TIMP2: variants seen among roughly 807,000 people sequenced by gnomAD.
TIMP2 encodes the protein metalloproteinase inhibitor 2.
Under a neutral mutation model 24.3 loss-of-function variants are expected in TIMP2, and 5 were observed. The ratio of observed to expected loss-of-function variants is 0.21; its 90% CI spans 0.11 to 0.43. The LOEUF is 0.43. TIMP2 is among the 20% of genes least tolerant of loss of function. The pLI is 1.00. For missense variants in TIMP2, 221 were observed against 297.5 expected (o/e 0.74, Z 1.89); for synonymous variants, 130 against 123.2 (o/e 1.06, Z -0.37).
At chr17:78,869,185 C>A (rs539399480) in intron 3 of TIMP2, among the ~76,000 whole-genome samples, 2 of 152,164 alleles carry the variant, frequency 1.3e-5, no homozygotes, top group Non-Finnish European at 2.9e-5. Context: ...CTTTGGGAGG[C>A]TGAGGCAGGA....
intron 1 of TIMP2, among the ~76,000 whole-genome samples, chr17:78,876,897 C>T (rs999950507): frequency 1.1e-5 from 1 of 93,844 alleles, no homozygotes; most frequent in Non-Finnish European, 2.2e-5. Context: ...CTTCATTCTT[C>T]AAGACCCAGC....
chr17:78,913,885 C>CT, intron 1 of TIMP2, among the ~76,000 whole-genome samples: 1 of 100,382 alleles, frequency 1.0e-5, no homozygotes, highest in Non-Finnish European at 1.9e-5. Flanking sequence ...GAGCGAAACT[C>CT]TGTCTCGGGG....
Position 78,891,022 on chromosome 17 carries a change from G to A in TIMP2, c.131-17103C>T, listed in dbSNP as rs763013831. 5 of 1,551,016 alleles carry A rather than the reference G, an allele frequency of 3.2e-6. No individual in the cohort carries two copies. In the East Asian group the frequency reaches 1.2e-4, roughly 38 times the overall value. On this transcript the variant is annotated intron_variant, in intron 1 of 4. Coordinates refer to ENST00000262768, the MANE Select transcript of TIMP2 (RefSeq NM_003255.5). The surrounding 1 kb of genome is among the most constrained non-coding windows in gnomAD (Gnocchi z 4.5). ...GCCTGGATGCCGTCGAGCCCACTCT[G>A]TCTGCCTGGTCTTGAAGGTGGAGCT...
At chr17:78,870,058 T>C (rs2145753082) in intron 3 of TIMP2, among the ~76,000 whole-genome samples, 1 of 152,162 alleles carries the variant, frequency 6.6e-6, no homozygotes. Context: ...TGGGAAGATG[T>C]GGAGACAGAT....
At chr17:78,882,569 GA>G (rs2069788905) in intron 1 of TIMP2, among the ~76,000 whole-genome samples, 1 of 152,240 alleles carries the variant, frequency 6.6e-6, no homozygotes, top group Non-Finnish European at 1.5e-5. Flanking sequence ...AGACAGCTTA[GA>G]AACATGGAAG....
In TIMP2 at chr17:78,857,265, G is replaced by T. The variant is rs112048604; in HGVS notation, c.465+257C>A. ...GGCCTCCCAAAGTGCCGGGATTACA[G>T]GCGTGAGCCGCAGCGCCCGGCCTCC... On this transcript the variant is annotated intron_variant, in intron 4 of 4. Coordinates refer to ENST00000262768, the MANE Select transcript of TIMP2 (RefSeq NM_003255.5). 2,190 of 471,062 alleles carry T rather than the reference G, an allele frequency of 4.6e-3. 37 individuals are homozygous for T. Among genetic ancestry groups the T allele is most frequent in the African/African-American group, 0.039 (1,993 of 51,242 alleles). The allele number at this position is 471,062 out of a possible 1,614,324, so 29.2% of individuals were successfully genotyped here.
chr17:78,875,143 G>C (rs1215405568), intron 1 of TIMP2, among the ~76,000 whole-genome samples: 2 of 152,200 alleles, frequency 1.3e-5, no homozygotes, highest in African/African-American at 4.8e-5. Flanking sequence ...CTCCCAAAGT[G>C]CTGAGATTAC....
intron 3 of TIMP2, among the ~76,000 whole-genome samples, chr17:78,861,294 A>G (rs2069565216): frequency 6.6e-6 from 1 of 152,168 alleles, no homozygotes; most frequent in Non-Finnish European, 1.5e-5. Context: ...TTTCCACTGT[A>G]TGTATCACTT....
chr17:78,908,211 G>A (rs568665767), intron 1 of TIMP2, among the ~76,000 whole-genome samples: 1 of 152,256 alleles, frequency 6.6e-6, no homozygotes, highest in African/African-American at 2.4e-5. Context: ...ATTTAACCAC[G>A]CCCCTGCTAC....
rs759759318 is a variant in TIMP2, at chr17:78,870,892, A to G, written c.340+6T>C. The stretch of plus-strand genomic sequence containing the variant: ...GCCTCCGGCTGATGGCCCCACTCAT[A>G]CACACCTGCAATGAGATATTCCTTC... On this transcript the variant is annotated splice_donor_region_variant and intron_variant, in intron 3 of 4. Coordinates refer to ENST00000262768, the MANE Select transcript of TIMP2 (RefSeq NM_003255.5). 2 of 1,611,906 alleles carry G rather than the reference A, an allele frequency of 1.2e-6. No individual in the cohort carries two copies. Among genetic ancestry groups the G allele is most frequent in the South Asian group, 2.2e-5 (2 of 90,824 alleles).
chr17:78,858,733 C>T (rs891117681), intron 3 of TIMP2, among the ~76,000 whole-genome samples: 1 of 152,150 alleles, frequency 6.6e-6, no homozygotes, highest in Admixed American at 6.5e-5. Flanking sequence ...CTATGTTACT[C>T]AGGCTGGTCT....
rs1175114554 is a variant in TIMP2, at chr17:78,890,877, T to TC, written c.131-16959dup. On this transcript the variant is annotated intron_variant, in intron 1 of 4. Coordinates refer to ENST00000262768, the MANE Select transcript of TIMP2 (RefSeq NM_003255.5). ...GCCAGTCGAGCTCTTCTTTGCTCCC[T>TC]CCTCTCTTTTTCTAGCTCAGCTTTG... 7 of 1,550,536 alleles carry TC rather than the reference T, an allele frequency of 4.5e-6. No homozygotes were observed. The African/African-American group carries it at 9.6e-5, about 21-fold the overall frequency.
chr17:78,912,651 C>T (rs1385843193), intron 1 of TIMP2, among the ~76,000 whole-genome samples: 1 of 152,218 alleles, frequency 6.6e-6, no homozygotes, highest in African/African-American at 2.4e-5. Flanking sequence ...CACCTGCTTG[C>T]TTCTGGAAAG....
chr17:78,919,569 T>C (rs984443683), intron 1 of TIMP2, among the ~76,000 whole-genome samples: 3 of 152,108 alleles, frequency 2.0e-5, no homozygotes, highest in Non-Finnish European at 2.9e-5. Context: ...GTGCGGTGGC[T>C]CAAGCCTGTA....
Position 78,892,153 on chromosome 17 carries a change from C to T in TIMP2, c.131-18234G>A, listed in dbSNP as rs2069909018. On this transcript the variant is annotated intron_variant, in intron 1 of 4. Transcript: ENST00000262768. ...CGTGCAGGTGCTGTGCCTCCTGATA[C>T]CCTCTCCTCAACTCCTCAGCCAAGC... is the stretch of plus-strand genomic sequence containing the variant. 8 of 1,550,828 alleles carry T rather than the reference C, an allele frequency of 5.2e-6. No homozygotes were observed. The South Asian group carries it at 9.5e-5, about 18-fold the overall frequency.
chr17:78,914,311 C>T (rs112300147), intron 1 of TIMP2, among the ~76,000 whole-genome samples: 19,735 of 148,178 alleles, frequency 0.13, 1,603 homozygotes, highest in African/African-American at 0.23. Flanking sequence ...TGGAGTCTCG[C>T]TCTGTCTCCC....
rs975299489 is a variant in TIMP2 at position 78,901,766 on chromosome 17, G to A, written c.130+23193C>T. On this transcript the variant is annotated intron_variant, in intron 1 of 4. Transcript: ENST00000262768. ...ACGAGAAGCACCTGAAATGCTTGGG[G>A]AAGAGGGGTGGTACTTACTGTGTGT... 17 of 717,190 alleles carry A rather than the reference G, an allele frequency of 2.4e-5. No individual in the cohort carries two copies. The Admixed American group carries it at 3.0e-4, about 13-fold the overall frequency. The allele number at this position is 717,190 out of a possible 1,614,324, so 44.4% of individuals were successfully genotyped here.
At chr17:78,892,496 C>T (rs376676045) in intron 1 of TIMP2, 5 of 1,519,280 alleles carry the variant, frequency 3.3e-6, no homozygotes, top group East Asian at 2.5e-5. Flanking sequence ...CTTTCCAGAT[C>T]GCTCCCAGGA....
At chr17:78,911,612 G>C (rs1732031416) in intron 1 of TIMP2, among the ~76,000 whole-genome samples, 1 of 151,786 alleles carries the variant, frequency 6.6e-6, no homozygotes, top group African/African-American at 2.4e-5. Flanking sequence ...AATATTTTTA[G>C]TAGAGATGGG....
Sources: allele counts gnomAD v4.1 joint callset (sites outside exome capture counted in the v4.1 genomes callset), GRCh38; gene constraint gnomAD v4.1.1; non-coding constraint Gnocchi (gnomAD v3.1); transcripts MANE v1.5; gene names NCBI Gene and HGNC (gene_info 2026-07-23, HGNC 2026-07-21).